The following DNAH7 variants were observed in gnomAD, a reference collection of about 807,000 sequenced individuals.
DNAH7 encodes dynein axonemal heavy chain 7.
In DNAH7, 397 loss-of-function variants were observed where a neutral mutation model predicts 444.6. The observed-to-expected ratio is 0.89, with a 90% CI of 0.82 to 0.97. The LOEUF (loss-of-function observed/expected upper bound fraction) is 0.97. Ranked by LOEUF, DNAH7 falls within the 50% of genes least tolerant of loss-of-function variation. The pLI is 0.00. For synonymous variants in DNAH7, 1,636 were observed against 1,624.4 expected (o/e 1.01, Z -0.17); for missense variants, 4,902 against 4,800.8 (o/e 1.02, Z -0.62).
intron 51 of DNAH7, among the ~76,000 whole-genome samples, chr2:195,810,137 A>AAAACAG (rs1696895746): frequency 2.0e-5 from 3 of 152,100 alleles, no homozygotes; most frequent in Non-Finnish European, 4.4e-5. Flanking sequence ...TGGTATATTA[A>AAAACAG]TCTGTTAGAT....
At chr2:195,832,799 T>G (rs1328484000) in intron 48 of DNAH7, among the ~76,000 whole-genome samples, 2 of 152,196 alleles carry the variant, frequency 1.3e-5, no homozygotes, top group East Asian at 1.9e-4. Context: ...TTCCTCTGAA[T>G]TCCTATAGTA....
chr2:195,775,710 T>C (rs957946832), intron 60 of DNAH7, 136 bp downstream of exon 60: 3 of 895,384 alleles, frequency 3.4e-6, no homozygotes, highest in African/African-American at 1.7e-5. Context: ...AAGTTATGTA[T>C]GTATTTTTGT....
At chr2:196,063,201 A>G (rs1698231480) in intron 1 of DNAH7, 1 of 152,180 alleles carries the variant, frequency 6.6e-6, no homozygotes, top group African/African-American at 2.4e-5. Context: ...CTTTTCAGAC[A>G]CTTTCCTCCT....
At chr2:195,863,616 G>A (rs991156498) in intron 41 of DNAH7, among the ~76,000 whole-genome samples, 10 of 152,178 alleles carry the variant, frequency 6.6e-5, no homozygotes, top group African/African-American at 2.4e-4. Flanking sequence ...CAGGGTGGAA[G>A]AAGTGAGACA....
At chr2:195,875,312 C>T (rs538440227) in intron 38 of DNAH7, among the ~76,000 whole-genome samples, 1 of 152,000 alleles carries the variant, frequency 6.6e-6, no homozygotes, top group Admixed American at 6.5e-5. Context: ...TGCCCCAGGA[C>T]GATGTGAGTT....
rs376266609 is a variant in DNAH7 at position 195,864,178 on chromosome 2, C to T, written c.7477G>A (p.Val2493Ile). 40 of 1,613,986 alleles carry T rather than the reference C, an allele frequency of 2.5e-5. No individual in the cohort carries two copies. The highest frequency in any genetic ancestry group is 3.2e-5 in the Non-Finnish European group (38 of 1,179,986). Residue 2493 changes from valine to isoleucine, a missense_variant, in exon 41 of 65, where the codon GTT becomes ATT. Physicochemically the swap from Val to Ile is conservative, Grantham distance 29. Coordinates refer to ENST00000312428, the MANE Select transcript of DNAH7 (RefSeq NM_018897.3). ...AACCAGTCAATGGTACAGCAGTTAA[C>T]AAGAGCAGGGAACTTTCTAAGACGA... is the stretch of plus-strand genomic sequence containing the variant. ...RNRLRKFPAL[V>I]NCCTIDWFQS...
chr2:195,982,114 G>T (rs1257133150), intron 15 of DNAH7, among the ~76,000 whole-genome samples: 1 of 151,986 alleles, frequency 6.6e-6, no homozygotes, highest in Non-Finnish European at 1.5e-5. Flanking sequence ...CACTATACAA[G>T]GAGCTCAAAC....
chr2:195,916,715 G>A (rs1399123558), intron 24 of DNAH7, among the ~76,000 whole-genome samples: 6 of 151,990 alleles, frequency 3.9e-5, no homozygotes. Context: ...AAAATTAGCT[G>A]AGCATAGTGG....
Position 195,799,320 on chromosome 2 carries a change from G to A in DNAH7, c.10329C>T (p.Ala3443=), listed in dbSNP as rs1219924048. 6.3e-7 allele frequency: 1 copy of A among 1,587,498 alleles called. No individual in the cohort carries two copies. Among genetic ancestry groups the A allele is most frequent in the African/African-American group, 1.4e-5 (1 of 73,842 alleles). Residue 3443 remains alanine (A), a synonymous_variant, in exon 55 of 65, where the codon GCC becomes GCT. Transcript: ENST00000312428. ...VLSPGADPMA[A]LLKFADDQGY... The stretch of plus-strand genomic sequence containing the variant: ...CCTGGTCATCAGCAAATTTTAGAAG[G>A]GCAGCCATGGGATCTGCTCCAGGAG...
At chr2:195,822,880 T>C (rs1220698317) in intron 49 of DNAH7, among the ~76,000 whole-genome samples, 1 of 152,264 alleles carries the variant, frequency 6.6e-6, no homozygotes, top group Non-Finnish European at 1.5e-5. Context: ...TTCACTTATA[T>C]TTAAATGTTA....
chr2:195,769,483 C>T (rs528375113), intron 61 of DNAH7, among the ~76,000 whole-genome samples: 20 of 152,146 alleles, frequency 1.3e-4, no homozygotes, highest in Middle Eastern at 3.4e-3. Context: ...TAGGTCAAAA[C>T]AACCTTGACA....
chr2:195,841,178 T>C (rs910597822), intron 47 of DNAH7, among the ~76,000 whole-genome samples: 5 of 151,786 alleles, frequency 3.3e-5, no homozygotes, highest in East Asian at 3.9e-4. Context: ...AAGGATAATA[T>C]TTTCAACAAA....
At chr2:195,917,889 G>C (rs1294455120) in intron 24 of DNAH7, among the ~76,000 whole-genome samples, 2 of 152,028 alleles carry the variant, frequency 1.3e-5, no homozygotes, top group African/African-American at 4.8e-5. Flanking sequence ...GGCTGGTCTT[G>C]AATTCTTGGT....
chr2:196,011,105 CT>C (rs1694705028), intron 10 of DNAH7, among the ~76,000 whole-genome samples: 1 of 151,934 alleles, frequency 6.6e-6, no homozygotes, highest in African/African-American at 2.4e-5. Flanking sequence ...TGTAATGTGA[CT>C]ATAGTTAACA....
chr2:195,945,135 C>T (rs1488523350), intron 19 of DNAH7, among the ~76,000 whole-genome samples: 1 of 151,990 alleles, frequency 6.6e-6, no homozygotes, highest in Non-Finnish European at 1.5e-5. Flanking sequence ...ATAGTTTATT[C>T]AAGTTCAGTG....
intron 5 of DNAH7, among the ~76,000 whole-genome samples, chr2:196,029,515 C>T (rs549827190): frequency 6.6e-6 from 1 of 152,116 alleles, no homozygotes; most frequent in East Asian, 1.9e-4. Context: ...TATTGCTCCT[C>T]ACCGAGAGCA....
At chr2:195,811,109 A>C (rs1203076194) in intron 51 of DNAH7, among the ~76,000 whole-genome samples, 1 of 152,250 alleles carries the variant, frequency 6.6e-6, no homozygotes, top group African/African-American at 2.4e-5. Flanking sequence ...GTGAAAAAGA[A>C]GATTAAAATT....
chr2:195,844,949 T>C, intron 47 of DNAH7, 53 bp downstream of exon 47: 3 of 1,522,064 alleles, frequency 2.0e-6, no homozygotes, highest in African/African-American at 1.4e-5. Flanking sequence ...GGAACACAGA[T>C]AAATCTACTG....
At chr2:195,882,915 G>C (rs1701483546) in intron 35 of DNAH7, among the ~76,000 whole-genome samples, 1 of 152,174 alleles carries the variant, frequency 6.6e-6, no homozygotes, top group Non-Finnish European at 1.5e-5. Flanking sequence ...GTCATCTGAA[G>C]AGGTTATGAA....
Sources: allele counts gnomAD v4.1 joint callset (sites outside exome capture counted in the v4.1 genomes callset), GRCh38; gene constraint gnomAD v4.1.1; transcripts MANE v1.5; gene names NCBI Gene and HGNC (gene_info 2026-07-23, HGNC 2026-07-21).